Variants in EFL1 observed in about 807,000 individuals in gnomAD.
EFL1 encodes the protein elongation factor-like GTPase 1.
Under a neutral mutation model 126.7 loss-of-function variants are expected in EFL1, and 76 were observed. The observed-to-expected ratio is 0.60, with a 90% confidence interval of 0.50 to 0.73. The LOEUF (loss-of-function observed/expected upper bound fraction) is 0.73. Among genes scored for constraint, EFL1 ranks in the 30% least tolerant of loss-of-function variants. The pLI is 0.00. For missense variants in EFL1, 1,128 were observed against 1,343.2 expected (o/e 0.84, Z 2.50); for synonymous variants, 410 against 448.4 (o/e 0.91, Z 1.08).
intron 2 of EFL1, among the ~76,000 whole-genome samples, chr15:82,259,544 T>C (rs1275953665): frequency 7.2e-5 from 11 of 152,236 alleles, no homozygotes; most frequent in Admixed American, 2.0e-4. Context: ...TCTTACTGTT[T>C]GTAATATAGC....
At chr15:82,176,711 G>A (rs904379385) in intron 15 of EFL1, among the ~76,000 whole-genome samples, 1 of 152,150 alleles carries the variant, frequency 6.6e-6, no homozygotes, top group African/African-American at 2.4e-5. Context: ...GATACCCCTG[G>A]TGGAAGCATA....
chr15:82,260,831 G>A (rs1221556140), intron 2 of EFL1, among the ~76,000 whole-genome samples: 7 of 152,106 alleles, frequency 4.6e-5, no homozygotes, highest in African/African-American at 1.7e-4. Flanking sequence ...TCTTCACCTC[G>A]CCAACTGGTC....
chr15:82,182,935 G>C (rs987030264), intron 15 of EFL1, among the ~76,000 whole-genome samples: 1 of 152,164 alleles, frequency 6.6e-6, no homozygotes, highest in South Asian at 2.1e-4. Flanking sequence ...CAATCGTGAG[G>C]AAAATTAGGC....
chr15:82,158,634 C>A (rs1302016238), intron 16 of EFL1, among the ~76,000 whole-genome samples: 1 of 152,168 alleles, frequency 6.6e-6, no homozygotes, highest in Non-Finnish European at 1.5e-5. Flanking sequence ...AAAGACTTAG[C>A]AATTCCTCAA....
intron 15 of EFL1, among the ~76,000 whole-genome samples, chr15:82,209,200 C>A (rs1321820325): frequency 6.6e-6 from 1 of 151,860 alleles, no homozygotes; most frequent in Non-Finnish European, 1.5e-5. Flanking sequence ...TCTTAAGAAC[C>A]AAATTCTACT....
At chr15:82,259,196 TA>T in intron 2 of EFL1, 41 bp from the exon 3 acceptor site, 1 of 1,549,224 alleles carries the variant, frequency 6.5e-7, no homozygotes, top group Non-Finnish European at 8.9e-7. Flanking sequence ...ATATCTTTTT[TA>T]AAAGGGGTCA....
At chr15:82,191,448 C>A (rs572736065) in intron 15 of EFL1, among the ~76,000 whole-genome samples, 1 of 152,040 alleles carries the variant, frequency 6.6e-6, no homozygotes, top group African/African-American at 2.4e-5. Context: ...GCAGACTGCA[C>A]GGATCAAATA....
chr15:82,183,379 C>A (rs1305251585), intron 15 of EFL1, among the ~76,000 whole-genome samples: 1 of 152,136 alleles, frequency 6.6e-6, no homozygotes, highest in Non-Finnish European at 1.5e-5. Context: ...TTCTCACTCC[C>A]TCCTTTGGGA....
rs184751671 is a variant in EFL1, at chr15:82,168,790, A to G, written c.1751-4806T>C. Among the ~76,000 whole-genome samples, 43 of 152,382 alleles carry G rather than the reference A, an allele frequency of 2.8e-4. 1 individual carries two copies. The highest frequency in any genetic ancestry group is 2.6e-3 in the Admixed American group (40 of 15,310). On this transcript the variant is annotated intron_variant, in intron 15 of 19. Coordinates refer to ENST00000268206, the MANE Select transcript of EFL1 (RefSeq NM_024580.6). Reference sequence around the variant, plus strand: ...TGGCCTCCCAAAGTGCTGGGATTACAGATGTAATAATAGTTCTTACACATA... The same window carrying G: ...TGGCCTCCCAAAGTGCTGGGATTACGGATGTAATAATAGTTCTTACACATA...
intron 4 of EFL1, among the ~76,000 whole-genome samples, chr15:82,247,613 G>A (rs2141333966): frequency 6.6e-6 from 1 of 152,206 alleles, no homozygotes; most frequent in African/African-American, 2.4e-5. Context: ...GAATGAATGA[G>A]TAGCATTCAC....
At chr15:82,240,375 C>T (rs2074918303) in intron 6 of EFL1, 43 bp downstream of exon 6, 1 of 1,537,834 alleles carries the variant, frequency 6.5e-7, no homozygotes, top group Non-Finnish European at 8.8e-7. Flanking sequence ...CCTTACAACT[C>T]TTCTTCGTGG....
chr15:82,255,976 G>C (rs1280449672), intron 3 of EFL1, among the ~76,000 whole-genome samples: 3 of 152,106 alleles, frequency 2.0e-5, no homozygotes, highest in African/African-American at 7.2e-5. Context: ...TTAAAAATCT[G>C]TTGGAATTTT....
intron 19 of EFL1, among the ~76,000 whole-genome samples, chr15:82,132,494 T>C (rs533807564): frequency 2.0e-5 from 3 of 151,594 alleles, no homozygotes; most frequent in Non-Finnish European, 1.5e-5. Flanking sequence ...AAATATCCTT[T>C]CAAAAAAGAG....
At chr15:82,219,587 C>T (rs1247098693) in intron 14 of EFL1, 65 bp downstream of exon 14, 1 of 1,517,476 alleles carries the variant, frequency 6.6e-7, no homozygotes, top group Non-Finnish European at 8.8e-7. Flanking sequence ...CCAGTCCCAA[C>T]AAAATGTGAA....
chr15:82,186,579 T>G (rs1363730585), intron 15 of EFL1, among the ~76,000 whole-genome samples: 1 of 152,238 alleles, frequency 6.6e-6, no homozygotes, highest in African/African-American at 2.4e-5. Context: ...TCATTGCCTT[T>G]ATTTTTAACA....
intron 18 of EFL1, among the ~76,000 whole-genome samples, chr15:82,150,254 A>AT (rs1297766870): frequency 1.3e-5 from 2 of 152,178 alleles, no homozygotes; most frequent in African/African-American, 4.8e-5. Context: ...GGGAAAAAAA[A>AT]CAAACAAACT....
chr15:82,230,721 T>TA (rs1312422135), intron 8 of EFL1, 127 bp downstream of exon 8: 7 of 1,152,098 alleles, frequency 6.1e-6, no homozygotes, highest in African/African-American at 3.2e-5. Context: ...TTATATACAG[T>TA]AAAAAATCCC....
chr15:82,244,988 G>A (rs542605409), intron 4 of EFL1, among the ~76,000 whole-genome samples: 8 of 152,180 alleles, frequency 5.3e-5, no homozygotes, highest in Non-Finnish European at 1.0e-4. Flanking sequence ...AGAGTATTTT[G>A]CCTGACAACA....
At chr15:82,173,031 T>C (rs1036612992) in intron 15 of EFL1, among the ~76,000 whole-genome samples, 1 of 152,146 alleles carries the variant, frequency 6.6e-6, no homozygotes, top group Non-Finnish European at 1.5e-5. Context: ...GGTTAAGAAG[T>C]ACCCCCTAGA....
Sources: gnomAD v4.1 joint callset for allele counts (sites outside exome capture counted in the v4.1 genomes callset) on GRCh38, gnomAD v4.1.1 for gene constraint, MANE v1.5 for transcripts, NCBI Gene and HGNC (gene_info 2026-07-23, HGNC 2026-07-21) for gene names.